CELSR1: variants seen among roughly 807,000 people sequenced by gnomAD.
The protein encoded by CELSR1 is adhesion G protein-coupled receptor C1.
CELSR1 carries 110 observed loss-of-function variants against 249.1 expected under a neutral mutation model. That is an observed-to-expected ratio of 0.44 (90% CI 0.38 to 0.52). The LOEUF is 0.52. Ranked by LOEUF, CELSR1 falls within the 20% of genes least tolerant of loss-of-function variation. The probability of loss-of-function intolerance (pLI) is 0.00; values close to 1 mark genes in which losing one functional copy is unlikely to be tolerated. For synonymous variants in CELSR1, 2,113 were observed against 1,900.0 expected (o/e 1.11, Z -2.92); for missense variants, 4,109 against 4,296.4 (o/e 0.96, Z 1.22).
At chr22:46,379,245 C>T (rs926287602) in intron 22 of CELSR1, among the ~76,000 whole-genome samples, 2 of 152,170 alleles carry the variant, frequency 1.3e-5, no homozygotes, top group African/African-American at 4.8e-5. Flanking sequence ...GAAGCCAGGG[C>T]CCCATTATGA....
At position 46,468,873 on chromosome 22, in the gene CELSR1, G is replaced by C. The variant is rs183367836; in HGVS notation, c.3545-4528C>G. ...GCAGATCACCTGAGGTCAGGAGTTC[G>C]AGACCAGCATGGCCAACATGGTGAA... On this transcript the variant is annotated intron_variant, in intron 1 of 34. Coordinates refer to ENST00000674500, the MANE Select transcript of CELSR1 (RefSeq NM_001378328.1). This position sits in a 1 kb window ranked among gnomAD's most constrained non-coding sequence, Gnocchi z 4.5. Among the ~76,000 whole-genome samples the C allele has an allele frequency of 1.5e-3, 231 of 152,200 alleles. 1 individual carries two copies. The highest frequency in any genetic ancestry group is 5.2e-3 in the African/African-American group (216 of 41,528).
chr22:46,420,410 GCTT>G (rs972091488), intron 5 of CELSR1, among the ~76,000 whole-genome samples: 15 of 149,746 alleles, frequency 1.0e-4, no homozygotes, highest in Middle Eastern at 3.3e-3. Context: ...TTACACGTGT[GCTT>G]CTTCACACAC....
At chr22:46,432,998 CAA>C (rs1187880128) in intron 5 of CELSR1, among the ~76,000 whole-genome samples, 1 of 152,000 alleles carries the variant, frequency 6.6e-6, no homozygotes, top group African/African-American at 2.4e-5. Context: ...ACAAATGTCT[CAA>C]GACAGAAAAT....
chr22:46,490,950 G>A lies in CELSR1; in HGVS notation c.3545-26605C>T, dbSNP rs1343116489. Among the ~76,000 whole-genome samples, 3 of 152,146 alleles carry A rather than the reference G, an allele frequency of 2.0e-5. No individual in the cohort carries two copies. Among genetic ancestry groups the A allele is most frequent in the African/African-American group, 7.2e-5 (3 of 41,416 alleles). On this transcript the variant is annotated intron_variant, in intron 1 of 34. Transcript: ENST00000674500. The surrounding 1 kb of genome is among the most constrained non-coding windows in gnomAD (Gnocchi z 5.2). Reference sequence around the variant, plus strand: ...ACTTGCCCAAGGCCACCTGAGGGCTGCCTCTGCACCCACAGGCGGGGGATT... The same window carrying A: ...ACTTGCCCAAGGCCACCTGAGGGCTACCTCTGCACCCACAGGCGGGGGATT...
In CELSR1 at chr22:46,446,125, C is replaced by T. The variant is rs9627463; in HGVS notation, c.4184-6714G>A. ...CCAGGGCCCAGCCCCCAGCCACACACCCAGCCCCCTCCACACCATACTCAC... is the reference window on the plus strand; with the variant it reads ...CCAGGGCCCAGCCCCCAGCCACACATCCAGCCCCCTCCACACCATACTCAC... On this transcript the variant is annotated intron_variant, in intron 2 of 34. Coordinates refer to ENST00000674500, the MANE Select transcript of CELSR1 (RefSeq NM_001378328.1). The surrounding 1 kb of genome is among the most constrained non-coding windows in gnomAD (Gnocchi z 5.5). Among the ~76,000 whole-genome samples, 40,273 of 151,992 alleles carry T rather than the reference C, an allele frequency of 0.26. 5,760 individuals carry two copies. Among genetic ancestry groups the T allele is most frequent in the Non-Finnish European group, 0.3 (20,610 of 67,926 alleles).
rs955416688 is a variant in CELSR1, at chr22:46,428,662, T to C, written c.4611+4731A>G. On this transcript the variant is annotated intron_variant, in intron 5 of 34. Coordinates refer to ENST00000674500, the MANE Select transcript of CELSR1 (RefSeq NM_001378328.1). This position sits in a 1 kb window ranked among gnomAD's most constrained non-coding sequence, Gnocchi z 5.7. ...GAACAGGCCTCACAATGAAGGGTCA[T>C]CGTCCCCAAGGGGCGGCAGTGCCCA... Among the ~76,000 whole-genome samples the C allele has an allele frequency of 6.6e-6, 1 of 152,202 alleles. No homozygotes were observed. The highest frequency in any genetic ancestry group is 1.5e-5 in the Non-Finnish European group (1 of 68,028).
chr22:46,443,842 TCTC>T (rs979158122), intron 2 of CELSR1, among the ~76,000 whole-genome samples: 9 of 152,368 alleles, frequency 5.9e-5, no homozygotes, highest in African/African-American at 1.9e-4. Context: ...AAGGTATATT[TCTC>T]CTCCTTTGGA....
chr22:46,532,790 T>C (rs1025426801), intron 1 of CELSR1, among the ~76,000 whole-genome samples: 1 of 152,142 alleles, frequency 6.6e-6, no homozygotes, highest in Non-Finnish European at 1.5e-5. Context: ...CTCTCTTCTG[T>C]GTCTCCCAAT....
At position 46,363,991 on chromosome 22, in the gene CELSR1, C is replaced by T. The variant is rs1362147579; in HGVS notation, c.9035+5G>A. 1.9e-6 allele frequency: 3 copies of T among 1,594,968 alleles called. No homozygotes were observed. Among genetic ancestry groups the T allele is most frequent in the Admixed American group, 3.5e-5 (2 of 56,566 alleles). On this transcript the variant is annotated splice_donor_5th_base_variant and intron_variant, in intron 34 of 34. Coordinates refer to ENST00000674500, the MANE Select transcript of CELSR1 (RefSeq NM_001378328.1). The surrounding 1 kb of genome is among the most constrained non-coding windows in gnomAD (Gnocchi z 4.3). ...ATCCCCGCCCTGGAGGCCCAGGCTA[C>T]TCACTCAGAGTCGGAGCCATCGGCC...
rs2079147959 is a variant in CELSR1, at chr22:46,396,426, TA to T, written c.5843+178del. ...CTGTCTCAAAAAAATAAAAATAAAA[TA>T]AAAATTAAAAAAAATTTGATTTTCA... On this transcript the variant is annotated intron_variant, in intron 13 of 34. Coordinates refer to ENST00000674500, the MANE Select transcript of CELSR1 (RefSeq NM_001378328.1). The surrounding 1 kb of genome is among the most constrained non-coding windows in gnomAD (Gnocchi z 6.4). 6.6e-6 allele frequency among the ~76,000 whole-genome samples: 1 copy of T among 151,430 alleles called. No homozygotes were observed. Among genetic ancestry groups the T allele is most frequent in the African/African-American group, 2.4e-5 (1 of 41,082 alleles).
In CELSR1 at chr22:46,410,282, C is replaced by T. The variant is rs2079317485; in HGVS notation, c.4933+116G>A. ...GGAGCTGCCCACCGCTGGACACATA[C>T]ATTTCTAAGAAAAACACGGCTCCCC... On this transcript the variant is annotated intron_variant, in intron 7 of 34. Coordinates refer to ENST00000674500, the MANE Select transcript of CELSR1 (RefSeq NM_001378328.1). The surrounding 1 kb of genome is among the most constrained non-coding windows in gnomAD (Gnocchi z 6.8). 3.0e-6 allele frequency: 4 copies of T among 1,336,988 alleles called. No individual in the cohort carries two copies. The highest frequency in any genetic ancestry group is 4.2e-6 in the Non-Finnish European group (4 of 959,580). 82.8% of individuals were successfully genotyped at this position (1,336,988 alleles called of 1,614,324 possible).
chr22:46,438,544 C>G (rs2079695109), intron 3 of CELSR1, among the ~76,000 whole-genome samples: 1 of 152,204 alleles, frequency 6.6e-6, no homozygotes, highest in Admixed American at 6.5e-5. Flanking sequence ...GCCACCGTCA[C>G]ACATAAGGGA....
intron 1 of CELSR1, among the ~76,000 whole-genome samples, chr22:46,501,698 T>G (rs2080468107): frequency 1.3e-5 from 2 of 152,226 alleles, no homozygotes; most frequent in Admixed American, 1.3e-4. Context: ...AAATGTTATT[T>G]GTTTTTAAAT....
At position 46,412,111 on chromosome 22, in the gene CELSR1, C is replaced by T. The variant is rs916430916; in HGVS notation, c.4612-352G>A. Among the ~76,000 whole-genome samples, 3 of 152,248 alleles carry T rather than the reference C, an allele frequency of 2.0e-5. No individual in the cohort carries two copies. The highest frequency in any genetic ancestry group is 4.8e-5 in the African/African-American group (2 of 41,472). On this transcript the variant is annotated intron_variant, in intron 5 of 34. Transcript: ENST00000674500. The surrounding 1 kb of genome is among the most constrained non-coding windows in gnomAD (Gnocchi z 4.5). ...AGATGCAAAGGCACACAGGGAGAAG[C>T]TGCGTGACCGCGGAGGCAGCTGCTG... is the stretch of plus-strand genomic sequence containing the variant.
rs1368216908 is a variant in CELSR1, at chr22:46,369,254, T to G, written c.7877A>C (p.Asn2626Thr). Residue 2626 changes from asparagine to threonine, a missense_variant, in exon 27 of 35, where the codon AAC becomes ACC. Coordinates refer to ENST00000674500, the MANE Select transcript of CELSR1 (RefSeq NM_001378328.1). ...TGCAGATAGGACAGAAGTGACTGTG[T>G]TGATCTGAAAACAAAACAAGCCGAT... ...AGPIGAVIIINTVTSVLSAKV... is the reference protein window; with the variant it reads ...AGPIGAVIIITTVTSVLSAKV... The G allele has an allele frequency of 1.2e-6, 2 of 1,613,140 alleles. No homozygotes were observed. The highest frequency in any genetic ancestry group is 1.1e-5 in the South Asian group (1 of 91,066).
rs1392211133 is a variant in CELSR1 at position 46,407,848 on chromosome 22, T to G, written c.5226+1148A>C. Among the ~76,000 whole-genome samples, 1 of 152,030 alleles carries G rather than the reference T, an allele frequency of 6.6e-6. No homozygotes were observed. Among genetic ancestry groups the G allele is most frequent in the Admixed American group, 6.6e-5 (1 of 15,260 alleles). On this transcript the variant is annotated intron_variant, in intron 9 of 34. Coordinates refer to ENST00000674500, the MANE Select transcript of CELSR1 (RefSeq NM_001378328.1). This position sits in a 1 kb window ranked among gnomAD's most constrained non-coding sequence, Gnocchi z 4.8. ...GTGAGTTTTCAGAGCTAGACCCTGA[T>G]CAGAAAGGGTCACAGCAGCTGGGTT...
At chr22:46,457,650 G>A (rs946459479) in intron 2 of CELSR1, among the ~76,000 whole-genome samples, 2 of 152,252 alleles carry the variant, frequency 1.3e-5, no homozygotes, top group Non-Finnish European at 2.9e-5. Flanking sequence ...GGACAGAGAT[G>A]AGGAAGGCTT....
intron 1 of CELSR1, among the ~76,000 whole-genome samples, chr22:46,528,171 C>T (rs1235849721): frequency 6.6e-6 from 1 of 152,010 alleles, no homozygotes; most frequent in Admixed American, 6.6e-5. Context: ...GCCATGCATC[C>T]AGACAATGCC....
At position 46,403,372 on chromosome 22, in the gene CELSR1, C is replaced by A. The variant is rs569493204; in HGVS notation, c.5227-3470G>T. 6.7e-5 allele frequency among the ~76,000 whole-genome samples: 10 copies of A among 149,336 alleles called. No individual in the cohort carries two copies. In the South Asian group the frequency reaches 2.1e-3, roughly 32 times the overall value. Reference sequence around the variant, plus strand: ...GGCCATCCTGGCTAACACGGTGAAACCCCGTGTCTACTAAAAATACAAAAA... The same window carrying A: ...GGCCATCCTGGCTAACACGGTGAAAACCCGTGTCTACTAAAAATACAAAAA... On this transcript the variant is annotated intron_variant, in intron 9 of 34. Transcript: ENST00000674500.
Sources: allele counts gnomAD v4.1 joint callset (sites outside exome capture counted in the v4.1 genomes callset), GRCh38; gene constraint gnomAD v4.1.1; non-coding constraint Gnocchi (gnomAD v3.1); transcripts MANE v1.5; gene names NCBI Gene and HGNC (gene_info 2026-07-23, HGNC 2026-07-21).